Variants in CSMD2 observed in about 807,000 individuals in gnomAD.
The protein encoded by CSMD2 is CUB and sushi domain-containing protein 2.
Under a neutral mutation model 398.5 loss-of-function variants are expected in CSMD2, and 130 were observed. The ratio of observed to expected loss-of-function variants is 0.33; its 90% CI spans 0.28 to 0.38. CSMD2 has a LOEUF of 0.38. Among genes scored for constraint, CSMD2 ranks in the 10% least tolerant of loss-of-function variants. The probability of loss-of-function intolerance (pLI) is 1.00; values close to 1 mark genes in which losing one functional copy is unlikely to be tolerated. For missense variants in CSMD2, 3,829 were observed against 4,764.9 expected, an observed-to-expected ratio of 0.80 and a Z score of 5.78; for synonymous variants, 1,828 against 1,908.5, an observed-to-expected ratio of 0.96 and a Z score of 1.10.
chr1:33,827,445 G>A (rs552054082), intron 6 of CSMD2, among the ~76,000 whole-genome samples: 62 of 152,188 alleles, frequency 4.1e-4, no homozygotes, highest in Non-Finnish European at 6.6e-4. Context: ...GTATCTCTAC[G>A]ACTTGCTCCC....
intron 7 of CSMD2, among the ~76,000 whole-genome samples, chr1:33,825,294 A>G (rs1658667186): frequency 6.6e-6 from 1 of 152,134 alleles, no homozygotes; most frequent in Non-Finnish European, 1.5e-5. Context: ...TGGCCTTGGG[A>G]GCTGGAACTG....
chr1:34,161,639 T>C (rs1641337038), intron 1 of CSMD2, among the ~76,000 whole-genome samples: 1 of 152,122 alleles, frequency 6.6e-6, no homozygotes, highest in South Asian at 2.1e-4. Context: ...ATTTGGCAAT[T>C]GAGGTGGTCA....
intron 2 of CSMD2, among the ~76,000 whole-genome samples, chr1:34,087,307 T>G (rs1376603620): frequency 6.6e-6 from 1 of 152,046 alleles, no homozygotes. Flanking sequence ...AAGGATGAGT[T>G]AATGTCCTTT....
chr1:33,571,834 A>T, intron 50 of CSMD2, 108 bp from the exon 51 acceptor site: 1 of 808,164 alleles, frequency 1.2e-6, no homozygotes, highest in South Asian at 5.3e-5. Context: ...ATAATGAAGA[A>T]TCCAGGAATC....
At chr1:34,082,572 T>A (rs1050922015) in intron 2 of CSMD2, among the ~76,000 whole-genome samples, 18 of 152,140 alleles carry the variant, frequency 1.2e-4, no homozygotes, top group African/African-American at 3.9e-4. Context: ...GTCTGGGAGG[T>A]GTACCCAACA....
At chr1:33,995,211 C>A (rs183035939) in intron 3 of CSMD2, among the ~76,000 whole-genome samples, 76 of 152,290 alleles carry the variant, frequency 5.0e-4, no homozygotes, top group African/African-American at 1.6e-3. Context: ...ACAAGTGGAT[C>A]CAGCAAGACT....
intron 3 of CSMD2, among the ~76,000 whole-genome samples, chr1:34,016,967 A>G (rs1279356511): frequency 1.3e-5 from 2 of 152,248 alleles, no homozygotes; most frequent in Non-Finnish European, 2.9e-5. Flanking sequence ...AATGAGTATT[A>G]CAACCAAGGG....
intron 53 of CSMD2, among the ~76,000 whole-genome samples, chr1:33,567,222 T>C (rs1450622968): frequency 1.3e-5 from 2 of 151,944 alleles, no homozygotes; most frequent in African/African-American, 4.8e-5. Flanking sequence ...TATTAGACTC[T>C]ATAGGATACA....
chr1:34,139,327 G>A (rs1639053357), intron 1 of CSMD2, among the ~76,000 whole-genome samples: 1 of 152,154 alleles, frequency 6.6e-6, no homozygotes, highest in Non-Finnish European at 1.5e-5. Flanking sequence ...CCCTCACCAT[G>A]TGATGCCCTG....
chr1:33,792,467 G>A lies in CSMD2; in HGVS notation c.1506C>T (p.Val502=), dbSNP rs762807672. The A allele has an allele frequency of 8.1e-6, 13 of 1,613,630 alleles. No individual in the cohort carries two copies. The highest frequency in any genetic ancestry group is 3.3e-4 in the Middle Eastern group (2 of 6,084). ...GGTCCCCATCCTGACCACCATCACCGACCGTCAGGGTGTCATAGCCCCTCT... is the reference window on the plus strand; with the variant it reads ...GGTCCCCATCCTGACCACCATCACCAACCGTCAGGGTGTCATAGCCCCTCT... ...DLERGYDTLT[V]GDGGQDGDQK... The change falls in exon 11 of 71, where the codon GTC becomes GTT. Residue 502 remains valine (V), a synonymous_variant. Transcript: ENST00000373381.
chr1:33,815,828 G>A (rs1459171340), intron 9 of CSMD2, among the ~76,000 whole-genome samples: 1 of 152,184 alleles, frequency 6.6e-6, no homozygotes, highest in East Asian at 1.9e-4. Flanking sequence ...TCTCAGGGCT[G>A]GAGCAATGGG....
intron 19 of CSMD2, among the ~76,000 whole-genome samples, chr1:33,720,672 A>G (rs148544637): frequency 0.017 from 2,628 of 152,282 alleles, 33 homozygotes; most frequent in Non-Finnish European, 0.025. Flanking sequence ...AAGGACTATG[A>G]GGCTGTGCCA....
intron 14 of CSMD2, 25 bp from the exon 15 acceptor site, chr1:33,739,359 T>C (rs762938936): frequency 1.3e-6 from 2 of 1,588,770 alleles, no homozygotes; most frequent in South Asian, 1.1e-5. Context: ...TTCAAGGACA[T>C]GATCAGACAT....
At position 34,027,315 on chromosome 1, in the gene CSMD2, G is replaced by A. The variant is rs74070244; in HGVS notation, c.517+5279C>T. On this transcript the variant is annotated intron_variant, in intron 3 of 70. Coordinates refer to ENST00000373381, the MANE Select transcript of CSMD2 (RefSeq NM_001281956.2). ...TACAATCAAAGAGATGCCAATTATC[G>A]CAACAAATGGGATGTCATTTTCCAC... 3.9e-3 allele frequency among the ~76,000 whole-genome samples: 591 copies of A among 152,176 alleles called. 11 individuals are homozygous for A. Among genetic ancestry groups the A allele is most frequent in the Middle Eastern group, 0.024 (7 of 294 alleles).
intron 20 of CSMD2, among the ~76,000 whole-genome samples, chr1:33,715,371 G>C (rs932904177): frequency 6.6e-6 from 1 of 152,242 alleles, no homozygotes; most frequent in Non-Finnish European, 1.5e-5. Flanking sequence ...ATGACCAGGG[G>C]CATTTATGGG....
chr1:33,861,981 C>T (rs11589979), intron 5 of CSMD2, among the ~76,000 whole-genome samples: 72,472 of 151,768 alleles, frequency 0.48, 18,430 homozygotes, highest in East Asian at 0.64. Context: ...GAGATGGAAA[C>T]CAGAGGGTAT....
At chr1:33,628,581 A>C (rs1002279618) in intron 32 of CSMD2, among the ~76,000 whole-genome samples, 9 of 151,464 alleles carry the variant, frequency 5.9e-5, no homozygotes, top group African/African-American at 1.9e-4. Context: ...AGGCAGGAGA[A>C]TCTCTTGAGC....
At chr1:33,610,264 G>GA (rs550681156) in intron 41 of CSMD2, among the ~76,000 whole-genome samples, 2 of 149,512 alleles carry the variant, frequency 1.3e-5, no homozygotes, top group African/African-American at 4.9e-5. Context: ...ATTAGTATTG[G>GA]AAAAAAAATC....
intron 13 of CSMD2, among the ~76,000 whole-genome samples, chr1:33,768,374 A>G (rs1650799897): frequency 6.6e-6 from 1 of 152,140 alleles, no homozygotes; most frequent in South Asian, 2.1e-4. Context: ...GATGTGTTAA[A>G]TATCCTATAA....
Sources: allele counts gnomAD v4.1 joint callset (sites outside exome capture counted in the v4.1 genomes callset), GRCh38; gene constraint gnomAD v4.1.1; transcripts MANE v1.5; gene names NCBI Gene and HGNC (gene_info 2026-07-23, HGNC 2026-07-21).